The following RNMT variants were observed in gnomAD, a reference collection of about 807,000 sequenced individuals.
RNMT encodes the protein RNA guanine-7 methyltransferase.
A neutral mutation model predicts 56.0 loss-of-function variants in RNMT; 27 were observed. The observed-to-expected ratio is 0.48, with a 90% CI of 0.36 to 0.67. The LOEUF (loss-of-function observed/expected upper bound fraction) is 0.67, where lower values mean the gene tolerates loss of function less well. Ranked by LOEUF, RNMT falls within the 30% of genes least tolerant of loss-of-function variation. RNMT has a pLI of 0.00. For missense variants in RNMT, 519 were observed against 552.1 expected, an observed-to-expected ratio of 0.94 and a Z score of 0.60; for synonymous variants, 184 against 176.2, an observed-to-expected ratio of 1.04 and a Z score of -0.35.
rs548010181 is a variant in RNMT, at chr18:13,763,007, C to T, written c.*3028C>T. ...CCTTGTGCATTTGGGTTATCTCAAGCCAGTCACCACAGAGGGTCTCTAGGG... is the reference window on the plus strand; with the variant it reads ...CCTTGTGCATTTGGGTTATCTCAAGTCAGTCACCACAGAGGGTCTCTAGGG... On this transcript the variant is annotated 3_prime_UTR_variant, in exon 12 of 12. Transcript: ENST00000383314. 7 of 447,148 alleles carry T rather than the reference C, an allele frequency of 1.6e-5. No individual in the cohort carries two copies. The highest frequency in any genetic ancestry group is 9.4e-5 in the South Asian group (6 of 63,674). The allele number at this position is 447,148 out of a possible 1,614,324, so 27.7% of individuals were successfully genotyped here.
chr18:13,759,907 A>T, intron 11 of RNMT, 35 bp from the exon 12 acceptor site: 1 of 1,531,782 alleles, frequency 6.5e-7, no homozygotes, highest in Non-Finnish European at 9.0e-7. Flanking sequence ...TTGTAATCAT[A>T]TGAGAAACTG....
Position 13,754,134 on chromosome 18 carries a change from A to C in RNMT, c.1380A>C (p.Glu460Asp). Residue 460 changes from glutamate (E) to aspartate (D), a missense_variant, in exon 11 of 12, where the codon GAA becomes GAC. Coordinates refer to ENST00000383314, the MANE Select transcript of RNMT (RefSeq NM_003799.3). ...RLPLGTLSKSEWEATSIYLVF... is the reference protein window; with the variant it reads ...RLPLGTLSKSDWEATSIYLVF... ...TTTAGGGAACCTTAAGTAAATCAGA[A>C]TGGGAAGCTACAAGTGAGTATATCA... 1.3e-6 allele frequency: 2 copies of C among 1,564,478 alleles called. No individual in the cohort carries two copies. Among genetic ancestry groups the C allele is most frequent in the Non-Finnish European group, 1.8e-6 (2 of 1,136,562 alleles).
chr18:13,742,367 T>A, intron 7 of RNMT, 121 bp from the exon 8 acceptor site: 3 of 821,918 alleles, frequency 3.7e-6, no homozygotes, highest in Non-Finnish European at 5.7e-6. Context: ...AGCCCAGATA[T>A]AATTAAAAGG....
Position 13,731,476 on chromosome 18 carries a change from T to C in RNMT, c.-42T>C. The C allele has an allele frequency of 6.7e-7, 1 of 1,488,282 alleles. No homozygotes were observed. The highest frequency in any genetic ancestry group is 9.1e-7 in the Non-Finnish European group (1 of 1,100,478). The allele number at this position is 1,488,282 out of a possible 1,614,324, so 92.2% of individuals were successfully genotyped here. ...AATACCAATTTTTTTCCTATTCTAG[T>C]GTTGGTTCATGAAGTTTTACCATCA... On this transcript the variant is annotated splice_region_variant and 5_prime_UTR_variant, in exon 3 of 12. Coordinates refer to ENST00000383314, the MANE Select transcript of RNMT (RefSeq NM_003799.3).
chr18:13,744,325 AT>A (rs2044316107), intron 8 of RNMT, among the ~76,000 whole-genome samples: 2 of 152,092 alleles, frequency 1.3e-5, no homozygotes, highest in Middle Eastern at 3.4e-3. Context: ...TTGCCATTTC[AT>A]TAAGAAATTT....
chr18:13,746,213 TG>T lies in RNMT; in HGVS notation c.1140-5del. The T allele has an allele frequency of 7.2e-7, 1 of 1,386,422 alleles. No individual in the cohort carries two copies. The highest frequency in any genetic ancestry group is 1.2e-5 in the South Asian group (1 of 80,330). 85.9% of individuals were successfully genotyped at this position (1,386,422 alleles called of 1,614,324 possible). The stretch of plus-strand genomic sequence containing the variant: ...AGCTTTTTCATTAAGTATTCTTTTT[TG>T]GACAGAATGGCAAAGAAGTACAATA... On this transcript the variant is annotated splice_region_variant and splice_polypyrimidine_tract_variant and intron_variant, in intron 8 of 11. Coordinates refer to ENST00000383314, the MANE Select transcript of RNMT (RefSeq NM_003799.3).
chr18:13,737,177 G>C (rs1284072738), intron 5 of RNMT, 42 bp downstream of exon 5: 2 of 1,503,378 alleles, frequency 1.3e-6, no homozygotes, highest in South Asian at 1.2e-5. Flanking sequence ...TTTGTAGTCA[G>C]ATAAATGGAA....
At chr18:13,757,221 C>T (rs987163171) in intron 11 of RNMT, among the ~76,000 whole-genome samples, 2 of 152,108 alleles carry the variant, frequency 1.3e-5, no homozygotes, top group African/African-American at 4.8e-5. Flanking sequence ...AAGGGTCTTT[C>T]CTCCATGGCG....
chr18:13,735,292 T>G (rs1449376944), intron 4 of RNMT, among the ~76,000 whole-genome samples: 1 of 152,162 alleles, frequency 6.6e-6, no homozygotes, highest in African/African-American at 2.4e-5. Context: ...GTGCTAATTA[T>G]GGGTACTTCC....
chr18:13,762,977 T>C lies in RNMT; in HGVS notation c.*2998T>C. On this transcript the variant is annotated 3_prime_UTR_variant, in exon 12 of 12. Transcript: ENST00000383314. The stretch of plus-strand genomic sequence containing the variant: ...AAAAACTGACTTTCTGTTGTCTACC[T>C]CAGGCCTTGTGCATTTGGGTTATCT... 2.4e-6 allele frequency: 1 copy of C among 424,166 alleles called. No homozygotes were observed. Among genetic ancestry groups the C allele is most frequent in the Non-Finnish European group, 4.7e-6 (1 of 210,588 alleles). The allele number at this position is 424,166 out of a possible 1,614,324, so 26.3% of individuals were successfully genotyped here. A position where few individuals can be genotyped will look rare whatever the true frequency, so the allele number is the denominator to read the frequency against.
chr18:13,736,705 G>A (rs2044162963), intron 4 of RNMT, among the ~76,000 whole-genome samples: 1 of 151,930 alleles, frequency 6.6e-6, no homozygotes, highest in African/African-American at 2.4e-5. Context: ...AACAAGTGTT[G>A]TGTTGTCTTA....
At chr18:13,756,573 G>T (rs1350487623) in intron 11 of RNMT, among the ~76,000 whole-genome samples, 1 of 152,148 alleles carries the variant, frequency 6.6e-6, no homozygotes, top group South Asian at 2.1e-4. Context: ...TTACCTTCTG[G>T]CAAGAACCAC....
At chr18:13,740,462 G>A (rs2044234515) in intron 6 of RNMT, among the ~76,000 whole-genome samples, 183 bp downstream of exon 6, 1 of 152,136 alleles carries the variant, frequency 6.6e-6, no homozygotes, top group Non-Finnish European at 1.5e-5. Context: ...TGCAACCTCT[G>A]CCTCCCAGGC....
intron 11 of RNMT, among the ~76,000 whole-genome samples, chr18:13,759,016 C>T (rs1198819811): frequency 6.6e-6 from 1 of 152,060 alleles, no homozygotes; most frequent in African/African-American, 2.4e-5. Flanking sequence ...TATGAGTTCT[C>T]CATCTTATAA....
chr18:13,761,844 C>CCCCCA lies in RNMT; in HGVS notation c.*1869_*1870insACCCC. 1 of 1,130,720 alleles carries CCCCCA rather than the reference C, an allele frequency of 8.8e-7. No homozygotes were observed. The highest frequency in any genetic ancestry group is 1.1e-6 in the Non-Finnish European group (1 of 913,094). The allele number at this position is 1,130,720 out of a possible 1,614,324, so 70.0% of individuals were successfully genotyped here. ...TCAGTTCTTCCTCCACCACCCTACA[C>CCCCCA]CCCCCTCCCCCCGGCCCCAAGCCCC... On this transcript the variant is annotated 3_prime_UTR_variant, in exon 12 of 12. Coordinates refer to ENST00000383314, the MANE Select transcript of RNMT (RefSeq NM_003799.3).
At chr18:13,747,474 C>T (rs897710506) in intron 9 of RNMT, among the ~76,000 whole-genome samples, 1 of 152,182 alleles carries the variant, frequency 6.6e-6, no homozygotes, top group Non-Finnish European at 1.5e-5. Flanking sequence ...CCCGCCTTGG[C>T]CTCCCAAAGT....
chr18:13,732,849 C>T (rs994717171), intron 3 of RNMT, among the ~76,000 whole-genome samples: 50 of 150,652 alleles, frequency 3.3e-4, no homozygotes, highest in Non-Finnish European at 2.4e-4. Flanking sequence ...GGGACCTCCA[C>T]CTCCCGGGTT....
intron 3 of RNMT, among the ~76,000 whole-genome samples, chr18:13,732,685 TAGTG>T (rs1349805743): frequency 6.6e-6 from 1 of 151,310 alleles, no homozygotes. Flanking sequence ...AAGTGACTGA[TAGTG>T]AGGCTTTTGT....
intron 6 of RNMT, 102 bp from the exon 7 acceptor site, chr18:13,741,408 A>T: frequency 1.4e-6 from 1 of 693,452 alleles, no homozygotes; most frequent in Admixed American, 2.9e-5. Context: ...AAAGATTGTG[A>T]GGGAAAGGAA....
Sources: gnomAD v4.1 joint callset for allele counts (sites outside exome capture counted in the v4.1 genomes callset) on GRCh38, gnomAD v4.1.1 for gene constraint, MANE v1.5 for transcripts, NCBI Gene and HGNC (gene_info 2026-07-23, HGNC 2026-07-21) for gene names.